The following PDE4D variants were observed in gnomAD, a reference collection of about 807,000 sequenced individuals.
PDE4D encodes the protein 3',5'-cyclic-AMP phosphodiesterase 4D.
PDE4D carries 24 observed loss-of-function variants against 87.4 expected under a neutral mutation model. The ratio of observed to expected loss-of-function variants is 0.27; its 90% CI spans 0.20 to 0.39. The LOEUF (loss-of-function observed/expected upper bound fraction) is 0.39, where lower values mean the gene tolerates loss of function less well. Among genes scored for constraint, PDE4D ranks in the 10% least tolerant of loss-of-function variants. PDE4D has a pLI of 1.00. For synonymous variants in PDE4D, 384 were observed against 383.2 expected (o/e 1.00, Z -0.02); for missense variants, 714 against 1,041.0 (o/e 0.69, Z 4.32).
intron 1 of PDE4D, among the ~76,000 whole-genome samples, chr5:59,667,385 C>T (rs2150311974): frequency 6.6e-6 from 1 of 152,166 alleles, no homozygotes; most frequent in South Asian, 2.1e-4. Context: ...GATCATGGCT[C>T]ACTGCAGCCT....
intron 1 of PDE4D, among the ~76,000 whole-genome samples, chr5:59,393,270 G>A (rs58583004): frequency 0.015 from 2,258 of 152,168 alleles, 60 homozygotes; most frequent in African/African-American, 0.052. Flanking sequence ...TGCCAGAGAT[G>A]GGGACTCAAT....
At chr5:59,175,452 A>T (rs1274216826) in intron 5 of PDE4D, among the ~76,000 whole-genome samples, 2 of 144,876 alleles carry the variant, frequency 1.4e-5, no homozygotes, top group African/African-American at 5.1e-5. Context: ...CACATTCGGA[A>T]CTCTATCCAT....
At chr5:59,107,392 A>G (rs1237713259) in intron 5 of PDE4D, among the ~76,000 whole-genome samples, 1 of 152,144 alleles carries the variant, frequency 6.6e-6, no homozygotes. Flanking sequence ...CATTTTTAGT[A>G]GAGACGGGGT....
chr5:59,692,424 T>A (rs867437557), intron 1 of PDE4D, among the ~76,000 whole-genome samples: 1 of 152,228 alleles, frequency 6.6e-6, no homozygotes, highest in Non-Finnish European at 1.5e-5. Context: ...AACCAGTTTC[T>A]TAAATAGCCT....
intron 1 of PDE4D, among the ~76,000 whole-genome samples, chr5:60,318,815 CA>C (rs1755904165): frequency 6.6e-6 from 1 of 152,056 alleles, no homozygotes; most frequent in Non-Finnish European, 1.5e-5. Context: ...TATTGGCCCC[CA>C]CTCTCTTCTG....
At chr5:60,312,240 T>A (rs766835430) in intron 1 of PDE4D, among the ~76,000 whole-genome samples, 5 of 152,120 alleles carry the variant, frequency 3.3e-5, no homozygotes, top group Non-Finnish European at 7.3e-5. Context: ...AATAACAGAA[T>A]ATACATTATT....
At chr5:59,940,465 A>T (rs1303075880) in intron 3 of PDE4D, among the ~76,000 whole-genome samples, 2 of 152,148 alleles carry the variant, frequency 1.3e-5, no homozygotes, top group Non-Finnish European at 2.9e-5. Flanking sequence ...AGAGGAGGAC[A>T]CAAACGAAAG....
chr5:59,667,340 C>T (rs1014747999), intron 1 of PDE4D, among the ~76,000 whole-genome samples: 1 of 151,964 alleles, frequency 6.6e-6, no homozygotes, highest in Admixed American at 6.6e-5. Flanking sequence ...GAGACAGAGT[C>T]TCACTCTGTC....
chr5:59,126,734 C>T (rs1272876205), intron 5 of PDE4D, among the ~76,000 whole-genome samples: 2 of 152,118 alleles, frequency 1.3e-5, no homozygotes, highest in African/African-American at 2.4e-5. Flanking sequence ...TTCCACATCT[C>T]GGAAATCATT....
intron 3 of PDE4D, among the ~76,000 whole-genome samples, chr5:59,949,434 C>CAAAAAAAAAAAAA (rs59654913): frequency 1.7e-5 from 1 of 57,598 alleles, no homozygotes; most frequent in African/African-American, 6.1e-5. Flanking sequence ...CTCCGTCTCA[C>CAAAAAAAAAAAAA]AAAAAAAAAA....
intron 1 of PDE4D, among the ~76,000 whole-genome samples, chr5:59,677,729 G>C (rs1421508261): frequency 6.6e-6 from 1 of 152,076 alleles, no homozygotes; most frequent in Non-Finnish European, 1.5e-5. Flanking sequence ...AAATAGAAAG[G>C]GTTTCCGAAT....
chr5:59,293,036 C>G (rs929288772), intron 1 of PDE4D, among the ~76,000 whole-genome samples: 14 of 152,096 alleles, frequency 9.2e-5, no homozygotes, highest in African/African-American at 3.4e-4. Flanking sequence ...TACTTAGTAT[C>G]ATAGATGATT....
At chr5:59,273,102 C>T (rs1285778459) in intron 1 of PDE4D, among the ~76,000 whole-genome samples, 2 of 152,004 alleles carry the variant, frequency 1.3e-5, no homozygotes, top group African/African-American at 4.8e-5. Context: ...TGGAGATCAA[C>T]CTGGAAACAA....
chr5:59,302,410 A>G (rs1770443968), intron 1 of PDE4D, among the ~76,000 whole-genome samples: 1 of 151,984 alleles, frequency 6.6e-6, no homozygotes, highest in Non-Finnish European at 1.5e-5. Context: ...ATTAGGGTAC[A>G]GGTGGTATAT....
chr5:60,329,232 G>T (rs1757089950), intron 1 of PDE4D, among the ~76,000 whole-genome samples: 1 of 152,124 alleles, frequency 6.6e-6, no homozygotes. Flanking sequence ...CCAGTAGGAG[G>T]TCATTGAATC....
At chr5:60,222,056 T>G (rs77382484) in intron 1 of PDE4D, among the ~76,000 whole-genome samples, 4,162 of 152,142 alleles carry the variant, frequency 0.027, 204 homozygotes, top group African/African-American at 0.095. Flanking sequence ...CATACATACA[T>G]CATACACTCA....
At chr5:59,111,202 C>A (rs1178370051) in intron 5 of PDE4D, among the ~76,000 whole-genome samples, 1 of 152,190 alleles carries the variant, frequency 6.6e-6, no homozygotes, top group African/African-American at 2.4e-5. Context: ...ATGCTTCATG[C>A]AAACTAGTGA....
rs1448339974 is a variant in PDE4D at position 58,969,066 on chromosome 5, T to C, written c.*5598A>G. ...TTATGGTATCAAGTTAAAAACTCTT[T>C]AATATCTCAAAATATCTTATCAGAT... On this transcript the variant is annotated 3_prime_UTR_variant, in exon 15 of 15. Coordinates refer to ENST00000340635, the MANE Select transcript of PDE4D (RefSeq NM_001104631.2). The C allele has an allele frequency of 6.6e-6, 1 of 152,238 alleles. No individual in the cohort carries two copies. The highest frequency in any genetic ancestry group is 1.5e-5 in the Non-Finnish European group (1 of 68,044). The allele number at this position is 152,238 out of a possible 1,614,324, so 9.4% of individuals were successfully genotyped here.
chr5:59,025,966 C>T (rs1325617181), intron 6 of PDE4D, among the ~76,000 whole-genome samples: 1 of 152,224 alleles, frequency 6.6e-6, no homozygotes, highest in African/African-American at 2.4e-5. Context: ...GATTACAGTG[C>T]AGCAGACCAG....
Sources: gnomAD v4.1 joint callset for allele counts (sites outside exome capture counted in the v4.1 genomes callset) on GRCh38, gnomAD v4.1.1 for gene constraint, MANE v1.5 for transcripts, NCBI Gene and HGNC (gene_info 2026-07-23, HGNC 2026-07-21) for gene names.